Variants in PHACTR2 observed in about 807,000 individuals in gnomAD.
PHACTR2 encodes chromosome 6 open reading frame 56.
Under a neutral mutation model 76.0 loss-of-function variants are expected in PHACTR2, and 30 were observed. That is an observed-to-expected ratio of 0.39 (90% CI 0.30 to 0.54). The LOEUF is 0.54. PHACTR2 is among the 20% of genes least tolerant of loss of function. PHACTR2 has a pLI of 0.61. For missense variants in PHACTR2, 696 were observed against 781.1 expected, an observed-to-expected ratio of 0.89 and a Z score of 1.30; for synonymous variants, 292 against 292.5, an observed-to-expected ratio of 1.00 and a Z score of 0.02.
intron 2 of PHACTR2, among the ~76,000 whole-genome samples, chr6:143,716,019 C>T (rs1027292836): frequency 2.0e-5 from 3 of 152,220 alleles, no homozygotes; most frequent in African/African-American, 7.2e-5. Flanking sequence ...CTAGAGAAGA[C>T]AGGAAGAGGT....
intron 12 of PHACTR2, among the ~76,000 whole-genome samples, chr6:143,815,258 C>T (rs968080707): frequency 6.6e-6 from 1 of 152,104 alleles, no homozygotes; most frequent in Non-Finnish European, 1.5e-5. Flanking sequence ...TCTAGCCTCT[C>T]AGGTAGAACA....
intron 1 of PHACTR2, among the ~76,000 whole-genome samples, chr6:143,563,975 G>A (rs982736024): frequency 2.0e-5 from 3 of 151,864 alleles, no homozygotes; most frequent in East Asian, 1.9e-4. Context: ...CTGCACTCTA[G>A]TCTGGGTGAC....
At chr6:143,643,158 G>A (rs12196077) in intron 1 of PHACTR2, among the ~76,000 whole-genome samples, 43,003 of 151,908 alleles carry the variant, frequency 0.28, 6,133 homozygotes, top group Middle Eastern at 0.38. Context: ...TCATTGGTGA[G>A]GCTATTTATC....
chr6:143,666,138 C>T (rs750633664), intron 1 of PHACTR2, among the ~76,000 whole-genome samples: 27 of 151,990 alleles, frequency 1.8e-4, no homozygotes, highest in Middle Eastern at 3.4e-3. Flanking sequence ...TTTGGTTTTC[C>T]GTTCCTGTGT....
intron 9 of PHACTR2, among the ~76,000 whole-genome samples, chr6:143,779,105 A>G (rs758157537): frequency 6.6e-6 from 1 of 152,048 alleles, no homozygotes; most frequent in Non-Finnish European, 1.5e-5. Flanking sequence ...TTCCTGACCC[A>G]CTATTGTACA....
At position 143,829,869 on chromosome 6, in the gene PHACTR2, T is replaced by G. The variant is rs1776625223; in HGVS notation, c.*6180T>G. On this transcript the variant is annotated 3_prime_UTR_variant, in exon 13 of 13. Transcript: ENST00000440869. ...TCTTATCTTTTTAAATAGCAGTATTTTTTTTTTAAGAATAAATTGTAAGGA... is the reference window on the plus strand; with the variant it reads ...TCTTATCTTTTTAAATAGCAGTATTGTTTTTTTAAGAATAAATTGTAAGGA... 6.6e-6 allele frequency: 1 copy of G among 152,218 alleles called. No individual in the cohort carries two copies. Among genetic ancestry groups the G allele is most frequent in the African/African-American group, 2.4e-5 (1 of 41,444 alleles). The allele number at this position is 152,218 out of a possible 1,614,324, so 9.4% of individuals were successfully genotyped here.
intron 1 of PHACTR2, among the ~76,000 whole-genome samples, chr6:143,637,144 G>A (rs1057193635): frequency 7.2e-5 from 11 of 152,162 alleles, no homozygotes; most frequent in African/African-American, 2.7e-4. Context: ...CGGGGGTGGT[G>A]CAAATGGTGG....
At chr6:143,575,495 G>A (rs781273621) in intron 1 of PHACTR2, among the ~76,000 whole-genome samples, 1 of 152,146 alleles carries the variant, frequency 6.6e-6, no homozygotes, top group African/African-American at 2.4e-5. Context: ...AGATGGACTT[G>A]GAGAAAAAGC....
Position 143,539,930 on chromosome 6 carries a change from A to T in PHACTR2, c.217+2723A>T, listed in dbSNP as rs1781157166. Among the ~76,000 whole-genome samples, 1 of 152,172 alleles carries T rather than the reference A, an allele frequency of 6.6e-6. No individual in the cohort carries two copies. The highest frequency in any genetic ancestry group is 2.1e-4 in the South Asian group (1 of 4,830). On this transcript the variant is annotated intron_variant, in intron 1 of 11. Coordinates refer to the PHACTR2 transcript ENST00000367584. This position sits in a 1 kb window ranked among gnomAD's most constrained non-coding sequence, Gnocchi z 4.3. ...TCGCACACCTAGGGATTCTGATTTC[A>T]TTGGCATCAGGTGCATCCTGGCCAT...
chr6:143,697,508 A>G lies in PHACTR2; in HGVS notation c.47-14508A>G, dbSNP rs1327123834. On this transcript the variant is annotated intron_variant, in intron 1 of 12. Transcript: ENST00000440869. This position sits in a 1 kb window ranked among gnomAD's most constrained non-coding sequence, Gnocchi z 4.4. ...TTTTTCAATTATTTGTCTTTGATGA[A>G]TTGTCTTTCAATTACCTTGTAAAGA... Among the ~76,000 whole-genome samples, 4 of 152,228 alleles carry G rather than the reference A, an allele frequency of 2.6e-5. No individual in the cohort carries two copies. The highest frequency in any genetic ancestry group is 5.9e-5 in the Non-Finnish European group (4 of 68,044).
In PHACTR2 at chr6:143,800,799, T is replaced by C. The variant is rs557190360; in HGVS notation, c.1846-6258T>C. Reference sequence around the variant, plus strand: ...CAGTTTCTTCCTAGCATCAGTGGTCTTTACAATTTGGCATGTTTTTGCAGT... The same window carrying C: ...CAGTTTCTTCCTAGCATCAGTGGTCCTTACAATTTGGCATGTTTTTGCAGT... On this transcript the variant is annotated intron_variant, in intron 11 of 12. Coordinates refer to ENST00000440869, the MANE Select transcript of PHACTR2 (RefSeq NM_001100164.2). This position sits in a 1 kb window ranked among gnomAD's most constrained non-coding sequence, Gnocchi z 4.8. 9.8e-5 allele frequency among the ~76,000 whole-genome samples: 15 copies of C among 152,356 alleles called. No homozygotes were observed. The East Asian group carries it at 2.1e-3, about 22-fold the overall frequency.
intron 1 of PHACTR2, among the ~76,000 whole-genome samples, chr6:143,631,062 A>C (rs1162716771): frequency 6.6e-6 from 1 of 152,246 alleles, no homozygotes; most frequent in South Asian, 2.1e-4. Flanking sequence ...TTAAATACTT[A>C]ACACAAACAC....
Position 143,816,551 on chromosome 6 carries a change from C to T in PHACTR2, c.1923-7123C>T, listed in dbSNP as rs1417975169. ...CTGGCTTTGTGAGCATATTATTGCA[C>T]GCACGGTATCAATTGGTCACCTTCT... On this transcript the variant is annotated intron_variant, in intron 12 of 12. Transcript: ENST00000440869. This position sits in a 1 kb window ranked among gnomAD's most constrained non-coding sequence, Gnocchi z 4.5. Among the ~76,000 whole-genome samples, 2 of 151,970 alleles carry T rather than the reference C, an allele frequency of 1.3e-5. No homozygotes were observed. The highest frequency in any genetic ancestry group is 4.8e-5 in the African/African-American group (2 of 41,378).
In PHACTR2 at chr6:143,562,105, G is replaced by A. The variant is rs1582672291; in HGVS notation, c.217+24898G>A. On this transcript the variant is annotated intron_variant, in intron 1 of 11. Coordinates refer to the PHACTR2 transcript ENST00000367584. The surrounding 1 kb of genome is among the most constrained non-coding windows in gnomAD (Gnocchi z 5.1). The stretch of plus-strand genomic sequence containing the variant: ...CTCTCACCGCCAGCCAGAGTTCCTT[G>A]TTCTTCCCTTTGTGACCTCGTAGCC... The A allele has an allele frequency of 6.6e-6, 1 of 152,232 alleles. No homozygotes were observed. The highest frequency in any genetic ancestry group is 6.5e-5 in the Admixed American group (1 of 15,280). 9.4% of individuals were successfully genotyped at this position (152,232 alleles called of 1,614,324 possible). A position where few individuals can be genotyped will look rare whatever the true frequency, so the allele number is the denominator to read the frequency against.
rs1490662285 is a variant in PHACTR2, at chr6:143,592,852, C to T, written c.217+55645C>T. Among the ~76,000 whole-genome samples, 1 of 151,714 alleles carries T rather than the reference C, an allele frequency of 6.6e-6. No homozygotes were observed. The highest frequency in any genetic ancestry group is 1.9e-4 in the East Asian group (1 of 5,170). The stretch of plus-strand genomic sequence containing the variant: ...TACTTGAGCCTAGGAGTTTGAGACC[C>T]AGGCTGCAAAATGGCGAAACCCTGT... On this transcript the variant is annotated intron_variant, in intron 1 of 11. Transcript: ENST00000367584. The surrounding 1 kb of genome is among the most constrained non-coding windows in gnomAD (Gnocchi z 4.0).
In PHACTR2 at chr6:143,813,837, CAGTG is replaced by C. The variant is rs1776238689; in HGVS notation, c.1922+6706_1922+6709del. Among the ~76,000 whole-genome samples the C allele has an allele frequency of 2.6e-5, 4 of 152,200 alleles. No individual in the cohort carries two copies. In the East Asian group the frequency reaches 7.7e-4, roughly 29 times the overall value. ...ATGTTGAGACTGAGATATTCACATA[CAGTG>C]ACCCTTGAACAACCTGGGTGTTAGG... On this transcript the variant is annotated intron_variant, in intron 12 of 12. Transcript: ENST00000440869.
rs1776108530 is a variant in PHACTR2, at chr6:143,619,081, A to G, written c.13+10759A>G. 1.3e-5 allele frequency among the ~76,000 whole-genome samples: 2 copies of G among 152,140 alleles called. No homozygotes were observed. The highest frequency in any genetic ancestry group is 4.8e-5 in the African/African-American group (2 of 41,426). ...GAATTGAATGCTGTGGCCATATGCA[A>G]TTTAATATGAGCAGCAGTTCTTCAA... On this transcript the variant is annotated intron_variant, in intron 1 of 11. Transcript: ENST00000305766. The surrounding 1 kb of genome is among the most constrained non-coding windows in gnomAD (Gnocchi z 4.5).
intron 1 of PHACTR2, chr6:143,555,206 C>A (rs1051740947): frequency 4.6e-5 from 7 of 152,004 alleles, no homozygotes; most frequent in African/African-American, 1.7e-4. Flanking sequence ...ACATTTACGT[C>A]GAGCCTGCCG....
In PHACTR2 at chr6:143,757,283, A is replaced by G. The variant is rs1779323382; in HGVS notation, c.455-3118A>G. On this transcript the variant is annotated intron_variant, in intron 4 of 12. Transcript: ENST00000440869. This position sits in a 1 kb window ranked among gnomAD's most constrained non-coding sequence, Gnocchi z 4.2. ...TAAGAGCATGACCTGTGAGGAGACC[A>G]GAATGCAAACGGGCAATTGTAGTGC... Among the ~76,000 whole-genome samples the G allele has an allele frequency of 6.6e-6, 1 of 152,256 alleles. No individual in the cohort carries two copies. The highest frequency in any genetic ancestry group is 2.1e-4 in the South Asian group (1 of 4,834).
Sources: gnomAD v4.1 joint callset for allele counts (sites outside exome capture counted in the v4.1 genomes callset) on GRCh38, gnomAD v4.1.1 for gene constraint, Gnocchi (gnomAD v3.1) non-coding constraint, MANE v1.5 for transcripts, NCBI Gene and HGNC (gene_info 2026-07-23, HGNC 2026-07-21) for gene names.